SLC2A9: variants seen among roughly 807,000 people sequenced by gnomAD.
The protein encoded by SLC2A9 is solute carrier family 2, facilitated glucose transporter member 9.
A neutral mutation model predicts 50.6 loss-of-function variants in SLC2A9; 39 were observed. The ratio of observed to expected loss-of-function variants is 0.77; its 90% CI spans 0.60 to 1.01. The LOEUF is 1.01. SLC2A9 is among the 50% of genes least tolerant of loss of function. The pLI is 0.00. For missense variants in SLC2A9, 686 were observed against 677.6 expected, an observed-to-expected ratio of 1.01 and a Z score of -0.14; for synonymous variants, 324 against 276.9, an observed-to-expected ratio of 1.17 and a Z score of -1.69.
Position 9,860,006 on chromosome 4 carries a change from G to A in SLC2A9, c.1292-24998C>T, listed in dbSNP as rs28462017. On this transcript the variant is annotated intron_variant, in intron 10 of 11. Transcript: ENST00000264784. ...ACCTTCCTGCTGAGCCCTGACAGCT[G>A]CTCAGTCTGGGCCCCTTTCCACAGC... Among the ~76,000 whole-genome samples, 954 of 152,326 alleles carry A rather than the reference G, an allele frequency of 6.3e-3. 7 individuals are homozygous for A. The highest frequency in any genetic ancestry group is 0.027 in the Middle Eastern group (8 of 294).
chr4:9,778,866 C>A (rs1342343940), downstream of SLC2A9, among the ~76,000 whole-genome samples: 1 of 152,116 alleles, frequency 6.6e-6, no homozygotes, highest in African/African-American at 2.4e-5. Context: ...GTCACCCAGG[C>A]TGGAGTGCAG....
intron 5 of SLC2A9, among the ~76,000 whole-genome samples, chr4:9,946,672 T>G (rs1195218447): frequency 6.6e-6 from 1 of 152,216 alleles, no homozygotes; most frequent in Non-Finnish European, 1.5e-5. Flanking sequence ...CTTACATTGA[T>G]CAAGTGGGCT....
At chr4:9,893,396 G>A (rs1737900315) in intron 8 of SLC2A9, among the ~76,000 whole-genome samples, 1 of 152,012 alleles carries the variant, frequency 6.6e-6, no homozygotes, top group East Asian at 1.9e-4. Context: ...ATTCTCATTT[G>A]CAGGGGGAGG....
intron 6 of SLC2A9, among the ~76,000 whole-genome samples, chr4:9,931,952 C>CTCTCTCAA (rs1746103005): frequency 8.7e-5 from 5 of 57,236 alleles, no homozygotes; most frequent in Non-Finnish European, 1.2e-4. Context: ...CTCTCTCTCT[C>CTCTCTCAA]TCTCTCTCTC....
intron 3 of SLC2A9, among the ~76,000 whole-genome samples, chr4:9,995,029 G>A (rs533706102): frequency 1.9e-4 from 29 of 152,240 alleles, no homozygotes; most frequent in African/African-American, 6.7e-4. Flanking sequence ...CCAGCATTGG[G>A]AATTGGCCCC....
chr4:9,912,630 A>C (rs1335842868), intron 7 of SLC2A9, among the ~76,000 whole-genome samples: 1 of 152,276 alleles, frequency 6.6e-6, no homozygotes, highest in East Asian at 1.9e-4. Context: ...TCAAGGGTCC[A>C]TAAGAGTAAA....
At chr4:9,985,914 G>A (rs1756638340) in intron 3 of SLC2A9, 121 bp from the exon 4 acceptor site, 5 of 1,404,592 alleles carry the variant, frequency 3.6e-6, no homozygotes, top group East Asian at 2.4e-5. Context: ...CTCAGGCACA[G>A]TGCAGGGAGC....
At chr4:9,866,810 G>A (rs937329318) in intron 10 of SLC2A9, among the ~76,000 whole-genome samples, 1 of 152,130 alleles carries the variant, frequency 6.6e-6, no homozygotes, top group Non-Finnish European at 1.5e-5. Context: ...TTTACATGTG[G>A]GTAAACTGAT....
intron 2 of SLC2A9, among the ~76,000 whole-genome samples, chr4:10,002,303 A>T (rs1429810551): frequency 1.3e-5 from 2 of 151,992 alleles, no homozygotes; most frequent in East Asian, 3.9e-4. Flanking sequence ...AAATACAGAA[A>T]CTCTAGCAAA....
At chr4:9,789,311 T>C (rs1053286899) in intron 3 of SLC2A9, among the ~76,000 whole-genome samples, 2 of 152,218 alleles carry the variant, frequency 1.3e-5, no homozygotes, top group Non-Finnish European at 1.5e-5. Flanking sequence ...CTGTGATGCA[T>C]GTGGAATGTG....
At chr4:9,815,446 G>A (rs13148356) in intron 3 of SLC2A9, among the ~76,000 whole-genome samples, 76,827 of 152,114 alleles carry the variant, frequency 0.51, 21,243 homozygotes, top group Non-Finnish European at 0.64. Flanking sequence ...AAGTTTTGAC[G>A]GTCACAAGCA....
At chr4:9,992,388 C>T (rs759841227) in intron 3 of SLC2A9, among the ~76,000 whole-genome samples, 24 of 152,196 alleles carry the variant, frequency 1.6e-4, no homozygotes, top group Admixed American at 3.3e-4. Flanking sequence ...GGGGTTGTCC[C>T]GTGCATTGTA....
intron 11 of SLC2A9, among the ~76,000 whole-genome samples, chr4:9,832,767 G>T (rs560103722): frequency 6.6e-6 from 1 of 152,346 alleles, no homozygotes; most frequent in African/African-American, 2.4e-5. Flanking sequence ...CCCCTTGCCT[G>T]TCAAAGGGAG....
intron 5 of SLC2A9, among the ~76,000 whole-genome samples, chr4:9,980,130 G>C (rs138073909): frequency 6.6e-6 from 1 of 152,064 alleles, no homozygotes; most frequent in Non-Finnish European, 1.5e-5. Flanking sequence ...AGCCAAAACC[G>C]GAAGACTCTA....
rs368523358 is a variant in SLC2A9, at chr4:9,801,794, T to C, written n.421-2553A>G. Reference sequence around the variant, plus strand: ...AATCTAAGTTATCTAAGTTGTAACATGGACAATGCAAAGAAACAAGGGGGT... The same window carrying C: ...AATCTAAGTTATCTAAGTTGTAACACGGACAATGCAAAGAAACAAGGGGGT... On this transcript the variant is annotated intron_variant and non_coding_transcript_variant, in intron 3 of 3. Transcript: ENST00000503280. Among the ~76,000 whole-genome samples, 199 of 152,096 alleles carry C rather than the reference T, an allele frequency of 1.3e-3. 1 individual carries two copies. Among genetic ancestry groups the C allele is most frequent in the African/African-American group, 4.5e-3 (187 of 41,354 alleles).
chr4:9,793,164 C>T (rs532627504), intron 3 of SLC2A9, among the ~76,000 whole-genome samples: 7 of 152,196 alleles, frequency 4.6e-5, no homozygotes, highest in East Asian at 3.8e-4. Context: ...TGAACAGAAA[C>T]GGCCACTATA....
intron 2 of SLC2A9, among the ~76,000 whole-genome samples, chr4:10,004,260 G>C (rs1760379530): frequency 6.6e-6 from 1 of 152,174 alleles, no homozygotes; most frequent in South Asian, 2.1e-4. Flanking sequence ...CTGGAGTGGA[G>C]AAACACATCC....
chr4:9,844,361 T>C (rs13141635), intron 10 of SLC2A9, among the ~76,000 whole-genome samples: 70,347 of 151,840 alleles, frequency 0.46, 19,302 homozygotes, highest in Non-Finnish European at 0.63. Flanking sequence ...GAGTATTCTA[T>C]GTAAAGAATT....
chr4:9,954,812 T>C (rs1200902286), intron 5 of SLC2A9, among the ~76,000 whole-genome samples: 1 of 152,114 alleles, frequency 6.6e-6, no homozygotes, highest in Non-Finnish European at 1.5e-5. Context: ...CATCAGGTGA[T>C]GGTCAGGCAG....
Sources: gnomAD v4.1 joint callset for allele counts (sites outside exome capture counted in the v4.1 genomes callset) on GRCh38, gnomAD v4.1.1 for gene constraint, MANE v1.5 for transcripts, NCBI Gene and HGNC (gene_info 2026-07-23, HGNC 2026-07-21) for gene names.